Variants in SLC25A48 observed in about 807,000 individuals in gnomAD.
SLC25A48 encodes CTC-321K16.1.
In SLC25A48, 29 loss-of-function variants were observed where a neutral mutation model predicts 32.2. That is an observed-to-expected ratio of 0.90 (90% CI 0.67 to 1.23). SLC25A48 has a LOEUF of 1.23. Ranked by LOEUF, SLC25A48 falls within the 50% of genes most tolerant of loss-of-function variation. The pLI is 0.00. For synonymous variants in SLC25A48, 164 were observed against 172.3 expected, an observed-to-expected ratio of 0.95 and a Z score of 0.38; for missense variants, 399 against 422.7, an observed-to-expected ratio of 0.94 and a Z score of 0.49.
chr5:135,668,407 ATCT>A (rs1208518366), intron 3 of SLC25A48, among the ~76,000 whole-genome samples: 1 of 152,230 alleles, frequency 6.6e-6, no homozygotes, highest in African/African-American at 2.4e-5. Context: ...TTTCTGAAAC[ATCT>A]TCTTGCAAGC....
At chr5:135,673,196 C>A (rs1561784722) in intron 3 of SLC25A48, among the ~76,000 whole-genome samples, 1 of 152,088 alleles carries the variant, frequency 6.6e-6, no homozygotes, top group Non-Finnish European at 1.5e-5. Flanking sequence ...ACATTTATGC[C>A]TAAATCTTTG....
At chr5:135,632,238 G>A (rs1752593334) in intron 2 of SLC25A48, among the ~76,000 whole-genome samples, 1 of 152,226 alleles carries the variant, frequency 6.6e-6, no homozygotes, top group African/African-American at 2.4e-5. Context: ...CCACTAAAAG[G>A]TTTCATGCAG....
At position 135,614,871 on chromosome 5, in the gene SLC25A48, C is replaced by T. The variant is rs114480888; in HGVS notation, c.-848-14366C>T. 1.8e-3 allele frequency among the ~76,000 whole-genome samples: 274 copies of T among 152,222 alleles called. 2 individuals carry two copies. The highest frequency in any genetic ancestry group is 6.8e-3 in the Middle Eastern group (2 of 294). ...GACCAGATTTCACCCTTTCTGTTCT[C>T]GTGATAGTGAGTTCTCATGAGATCT... is the stretch of plus-strand genomic sequence containing the variant. On this transcript the variant is annotated intron_variant, in intron 1 of 10. Transcript: ENST00000646290.
intron 2 of SLC25A48, among the ~76,000 whole-genome samples, chr5:135,634,222 G>C (rs1752644898): frequency 6.6e-6 from 1 of 152,186 alleles, no homozygotes; most frequent in South Asian, 2.1e-4. Context: ...GGGATGTGGT[G>C]GACACTTCTG....
At chr5:135,708,064 G>A (rs1443207933) in intron 3 of SLC25A48, among the ~76,000 whole-genome samples, 1 of 152,194 alleles carries the variant, frequency 6.6e-6, no homozygotes, top group Non-Finnish European at 1.5e-5. Context: ...TCATTTCCCT[G>A]CTGGCTCTAT....
chr5:135,822,015 C>T, intron 4 of SLC25A48: 1 of 152,260 alleles, frequency 6.6e-6, no homozygotes, highest in African/African-American at 2.4e-5. Flanking sequence ...ACCTGGCCTC[C>T]TTCAATCCAG....
chr5:135,603,109 G>A (rs1342614014), intron 1 of SLC25A48, among the ~76,000 whole-genome samples: 1 of 152,172 alleles, frequency 6.6e-6, no homozygotes, highest in Non-Finnish European at 1.5e-5. Context: ...TAGGCTGAGA[G>A]GGAAAACAGA....
chr5:135,730,477 C>T (rs1342852437), intron 3 of SLC25A48, among the ~76,000 whole-genome samples: 1 of 152,206 alleles, frequency 6.6e-6, no homozygotes, highest in South Asian at 2.1e-4. Flanking sequence ...ATTCCCCAGC[C>T]ACACAGACCT....
At chr5:135,821,352 A>T (rs1305492265) in intron 4 of SLC25A48, among the ~76,000 whole-genome samples, 1 of 152,078 alleles carries the variant, frequency 6.6e-6, no homozygotes, top group Non-Finnish European at 1.5e-5. Flanking sequence ...CACAGAGGAG[A>T]GGCAGCTGAA....
intron 3 of SLC25A48, among the ~76,000 whole-genome samples, chr5:135,726,761 A>G (rs185164248): frequency 1.9e-4 from 29 of 152,358 alleles, no homozygotes; most frequent in African/African-American, 6.5e-4. Context: ...TACTATGAAT[A>G]AAGTTGCTAT....
intron 3 of SLC25A48, among the ~76,000 whole-genome samples, chr5:135,678,621 G>C (rs1580778248): frequency 6.6e-6 from 1 of 152,028 alleles, no homozygotes; most frequent in East Asian, 1.9e-4. Context: ...TCCTTACATT[G>C]ATATCTGCAC....
intron 3 of SLC25A48, among the ~76,000 whole-genome samples, chr5:135,804,991 T>G (rs115822654): frequency 0.012 from 1,803 of 151,550 alleles, 34 homozygotes; most frequent in African/African-American, 0.041. Flanking sequence ...AGGTAGATAT[T>G]ACTCCTAATA....
chr5:135,849,414 C>T (rs187153188), intron 2 of SLC25A48, among the ~76,000 whole-genome samples: 4 of 152,224 alleles, frequency 2.6e-5, no homozygotes, highest in Admixed American at 2.0e-4. Flanking sequence ...GAAGTGGAAC[C>T]CTCTAAGACT....
chr5:135,769,658 G>A (rs534462392), intron 3 of SLC25A48, among the ~76,000 whole-genome samples: 2 of 150,826 alleles, frequency 1.3e-5, no homozygotes, highest in Admixed American at 6.6e-5. Context: ...ATATTACTCC[G>A]AATATCGCAG....
At chr5:135,805,026 T>C (rs1436750011) in intron 3 of SLC25A48, among the ~76,000 whole-genome samples, 1 of 151,492 alleles carries the variant, frequency 6.6e-6, no homozygotes, top group Non-Finnish European at 1.5e-5. Context: ...CACCCTGAAA[T>C]ATTATTCATA....
intron 3 of SLC25A48, among the ~76,000 whole-genome samples, chr5:135,695,404 T>C (rs1028851826): frequency 6.6e-6 from 1 of 152,246 alleles, no homozygotes; most frequent in Admixed American, 6.5e-5. Context: ...CAATAAGAAT[T>C]TGACAACAGA....
At chr5:135,712,362 G>T (rs780001324) in intron 3 of SLC25A48, among the ~76,000 whole-genome samples, 17 of 152,156 alleles carry the variant, frequency 1.1e-4, no homozygotes, top group Admixed American at 1.3e-4. Flanking sequence ...AGTTTTCTGT[G>T]TCTTTCAAGG....
At chr5:135,582,429 G>C (rs966953943) in intron 1 of SLC25A48, among the ~76,000 whole-genome samples, 5 of 152,104 alleles carry the variant, frequency 3.3e-5, no homozygotes, top group African/African-American at 1.2e-4. Context: ...CTCATCAGGG[G>C]ATCTGACAGG....
intron 3 of SLC25A48, among the ~76,000 whole-genome samples, chr5:135,741,728 G>A (rs1228241505): frequency 1.3e-5 from 2 of 152,152 alleles, no homozygotes; most frequent in African/African-American, 4.8e-5. Context: ...GTGACAGAGT[G>A]AGATCCTCTC....
Sources: gnomAD v4.1 joint callset for allele counts (sites outside exome capture counted in the v4.1 genomes callset) on GRCh38, gnomAD v4.1.1 for gene constraint, MANE v1.5 for transcripts, NCBI Gene and HGNC (gene_info 2026-07-23, HGNC 2026-07-21) for gene names.